The following XYLT1 variants were observed in gnomAD, a reference collection of about 807,000 sequenced individuals.
XYLT1 encodes the protein beta-D-xylosyltransferase 1.
In XYLT1, 36 loss-of-function variants were observed where a neutral mutation model predicts 91.3. The observed-to-expected ratio is 0.39, with a 90% CI of 0.30 to 0.52. The LOEUF (loss-of-function observed/expected upper bound fraction) is 0.52. Among genes scored for constraint, XYLT1 ranks in the 20% least tolerant of loss-of-function variants. XYLT1 has a pLI of 0.68. For missense variants in XYLT1, 1,242 were observed against 1,284.5 expected (o/e 0.97, Z 0.51); for synonymous variants, 588 against 532.0 (o/e 1.11, Z -1.45).
At chr16:17,390,806 T>C (rs1324775673) in intron 1 of XYLT1, among the ~76,000 whole-genome samples, 2 of 152,080 alleles carry the variant, frequency 1.3e-5, no homozygotes, top group East Asian at 1.9e-4. Flanking sequence ...GAGCCTGAGA[T>C]TGGTGGATTG....
chr16:17,157,575 G>T (rs2031437712), intron 6 of XYLT1, among the ~76,000 whole-genome samples: 4 of 152,076 alleles, frequency 2.6e-5, no homozygotes. Flanking sequence ...TTTAAATGGG[G>T]CTATTAATTT....
chr16:17,439,640 G>T (rs1045075429), intron 1 of XYLT1, among the ~76,000 whole-genome samples: 7 of 152,150 alleles, frequency 4.6e-5, no homozygotes, highest in African/African-American at 1.2e-4. Flanking sequence ...GTTGTAATCC[G>T]GCTAGAAAAC....
chr16:17,389,089 T>C (rs1166733514), intron 1 of XYLT1, among the ~76,000 whole-genome samples: 1 of 152,250 alleles, frequency 6.6e-6, no homozygotes, highest in Non-Finnish European at 1.5e-5. Flanking sequence ...GCGAGGCATT[T>C]TCTGCAACAC....
At chr16:17,268,667 C>CTTTT (rs56389780) in intron 2 of XYLT1, among the ~76,000 whole-genome samples, 4 of 138,070 alleles carry the variant, frequency 2.9e-5, no homozygotes, top group Non-Finnish European at 4.7e-5. Context: ...GTGATAAATA[C>CTTTT]TTTTTTTTTT....
intron 8 of XYLT1, among the ~76,000 whole-genome samples, chr16:17,136,698 A>G (rs1245028085): frequency 6.6e-6 from 1 of 151,766 alleles, no homozygotes; most frequent in Non-Finnish European, 1.5e-5. Flanking sequence ...ACGTTACCAT[A>G]TTATTCTTTC....
At chr16:17,383,384 G>A (rs917228342) in intron 1 of XYLT1, among the ~76,000 whole-genome samples, 6 of 151,816 alleles carry the variant, frequency 4.0e-5, no homozygotes, top group East Asian at 4.0e-4. Context: ...AGCTGGTTGC[G>A]GTCACTGCCA....
At chr16:17,297,215 C>T (rs1406116179) in intron 2 of XYLT1, among the ~76,000 whole-genome samples, 3 of 152,158 alleles carry the variant, frequency 2.0e-5, no homozygotes, top group Admixed American at 2.0e-4. Context: ...TTATTAGTAA[C>T]ACCACCCAAC....
At chr16:17,142,510 A>G (rs1386291296) in intron 6 of XYLT1, among the ~76,000 whole-genome samples, 1 of 147,574 alleles carries the variant, frequency 6.8e-6, no homozygotes, top group Non-Finnish European at 1.5e-5. Flanking sequence ...CTTGGCTCAC[A>G]GTAACCTCCG....
chr16:17,167,572 G>C (rs1315472221), intron 5 of XYLT1, among the ~76,000 whole-genome samples: 30 of 52,854 alleles, frequency 5.7e-4, no homozygotes, highest in East Asian at 1.0e-3. Context: ...ATCTCGTGAA[G>C]GGATTCTAAC....
intron 2 of XYLT1, among the ~76,000 whole-genome samples, chr16:17,285,501 G>A (rs2034121108): frequency 6.6e-6 from 1 of 152,160 alleles, no homozygotes; most frequent in Non-Finnish European, 1.5e-5. Context: ...CCCCATGACT[G>A]TCTCAGAACC....
intron 1 of XYLT1, among the ~76,000 whole-genome samples, chr16:17,454,602 T>C (rs1414426230): frequency 1.3e-5 from 2 of 151,698 alleles, no homozygotes; most frequent in African/African-American, 4.8e-5. Flanking sequence ...AGTGGCACAA[T>C]CTTGGCTCAG....
intron 3 of XYLT1, among the ~76,000 whole-genome samples, chr16:17,205,034 A>G (rs1460552636): frequency 6.6e-6 from 1 of 152,128 alleles, no homozygotes; most frequent in Non-Finnish European, 1.5e-5. Context: ...AAAACAGAAA[A>G]TAAGTGGAAA....
intron 1 of XYLT1, among the ~76,000 whole-genome samples, chr16:17,379,771 A>T (rs2035655120): frequency 1.3e-5 from 2 of 149,066 alleles, no homozygotes; most frequent in East Asian, 3.9e-4. Context: ...TCTCACACAC[A>T]CACACACACA....
At chr16:17,303,601 A>G (rs1003437401) in intron 2 of XYLT1, among the ~76,000 whole-genome samples, 1 of 152,238 alleles carries the variant, frequency 6.6e-6, no homozygotes, top group African/African-American at 2.4e-5. Context: ...AAGCTCTAAG[A>G]AATAAGCCCA....
intron 2 of XYLT1, among the ~76,000 whole-genome samples, chr16:17,320,184 G>A (rs943389073): frequency 5.3e-5 from 8 of 152,156 alleles, no homozygotes; most frequent in Admixed American, 1.3e-4. Context: ...CCCAGACTAC[G>A]GAGGTTGTAA....
chr16:17,103,444 A>G lies in XYLT1; in HGVS notation c.*5251T>C, dbSNP rs1221085358. Reference sequence around the variant, plus strand: ...GTAAGCAATTCCTATAGCATCTGCCAACTACAGATTGGCAGCCCCTTCCTT... The same window carrying G: ...GTAAGCAATTCCTATAGCATCTGCCGACTACAGATTGGCAGCCCCTTCCTT... On this transcript the variant is annotated 3_prime_UTR_variant, in exon 12 of 12. Coordinates refer to ENST00000261381, the MANE Select transcript of XYLT1 (RefSeq NM_022166.4). 1.3e-5 allele frequency: 2 copies of G among 152,222 alleles called. No homozygotes were observed. Among genetic ancestry groups the G allele is most frequent in the African/African-American group, 4.8e-5 (2 of 41,456 alleles). The allele number at this position is 152,222 out of a possible 1,614,324, so 9.4% of individuals were successfully genotyped here.
intron 2 of XYLT1, among the ~76,000 whole-genome samples, chr16:17,336,532 A>G (rs2034981177): frequency 6.6e-6 from 1 of 152,036 alleles, no homozygotes; most frequent in Non-Finnish European, 1.5e-5. Context: ...GGGTGTGGGT[A>G]TGGATGTGGA....
intron 2 of XYLT1, among the ~76,000 whole-genome samples, chr16:17,337,775 CTTTTTCTTTTTTTT>C (rs1282632586): frequency 1.8e-5 from 2 of 114,216 alleles, no homozygotes; most frequent in Non-Finnish European, 3.3e-5. Context: ...CACATTTTTT[CTTTTTCTTTTTTTT>C]TTTTTTTGTG....
chr16:17,454,160 T>A (rs892985045), intron 1 of XYLT1, among the ~76,000 whole-genome samples: 2 of 152,196 alleles, frequency 1.3e-5, no homozygotes, highest in Non-Finnish European at 2.9e-5. Context: ...TTAATTCCGC[T>A]CCTAGGTATA....
Sources: allele counts gnomAD v4.1 joint callset (sites outside exome capture counted in the v4.1 genomes callset), GRCh38; gene constraint gnomAD v4.1.1; transcripts MANE v1.5; gene names NCBI Gene and HGNC (gene_info 2026-07-23, HGNC 2026-07-21).